The following LRRC4C variants were observed in gnomAD, a reference collection of about 807,000 sequenced individuals.
LRRC4C encodes the protein leucine rich repeat containing 4C.
A neutral mutation model predicts 33.6 loss-of-function variants in LRRC4C; 5 were observed. The observed-to-expected ratio is 0.15, with a 90% CI of 0.08 to 0.31. The LOEUF is 0.31. Among genes scored for constraint, LRRC4C ranks in the 10% least tolerant of loss-of-function variants. The pLI is 1.00. For missense variants in LRRC4C, 560 were observed against 796.7 expected (o/e 0.70, Z 3.58); for synonymous variants, 329 against 302.0 (o/e 1.09, Z -0.93).
At chr11:41,253,691 G>A (rs541555414) in intron 1 of LRRC4C, among the ~76,000 whole-genome samples, 10 of 152,164 alleles carry the variant, frequency 6.6e-5, no homozygotes, top group Admixed American at 2.0e-4. Flanking sequence ...CTTCAAAATT[G>A]CTAAGACCTC....
rs928198975 is a variant in LRRC4C, at chr11:41,058,634, T to C, written c.-495-124911A>G. 5.9e-5 allele frequency among the ~76,000 whole-genome samples: 9 copies of C among 152,338 alleles called. No individual in the cohort carries two copies. The East Asian group carries it at 7.7e-4, about 13-fold the overall frequency. ...GGAATGTGTACTATTTCAGCTGCTG[T>C]GGAATGTAGTTTGGTGATTCCTCAA... On this transcript the variant is annotated intron_variant, in intron 1 of 6. Transcript: ENST00000528697.
intron 3 of LRRC4C, chr11:40,445,902 C>T (rs971430405): frequency 1.3e-5 from 2 of 152,212 alleles, no homozygotes; most frequent in Non-Finnish European, 2.9e-5. Context: ...TTTTCCCACA[C>T]TCATTACATT....
At chr11:40,551,600 C>G (rs1054940743) in intron 3 of LRRC4C, among the ~76,000 whole-genome samples, 1 of 152,150 alleles carries the variant, frequency 6.6e-6, no homozygotes, top group African/African-American at 2.4e-5. Flanking sequence ...CCCTGTACTC[C>G]ATATTTCTAA....
intron 3 of LRRC4C, among the ~76,000 whole-genome samples, chr11:40,590,270 C>T (rs532238011): frequency 1.5e-4 from 22 of 151,650 alleles, no homozygotes; most frequent in East Asian, 9.7e-4. Context: ...TTGATCGCAT[C>T]GTCTCCTGAG....
At chr11:41,183,038 G>A (rs1590864408) in intron 1 of LRRC4C, among the ~76,000 whole-genome samples, 1 of 152,006 alleles carries the variant, frequency 6.6e-6, no homozygotes, top group African/African-American at 2.4e-5. Context: ...TCACTATCAT[G>A]AGAACAGCAC....
intron 1 of LRRC4C, among the ~76,000 whole-genome samples, chr11:40,989,996 G>A (rs1853397403): frequency 6.6e-6 from 1 of 151,586 alleles, no homozygotes; most frequent in South Asian, 2.1e-4. Flanking sequence ...GAGGATGTGT[G>A]TAGGCTGTAC....
chr11:40,296,805 A>T (rs1181387527), intron 4 of LRRC4C, among the ~76,000 whole-genome samples: 2 of 152,194 alleles, frequency 1.3e-5, no homozygotes, highest in Non-Finnish European at 1.5e-5. Context: ...TCAAGTAAAA[A>T]TTTCTATAAA....
chr11:40,729,728 A>G (rs759859963), intron 2 of LRRC4C, among the ~76,000 whole-genome samples: 16 of 152,296 alleles, frequency 1.1e-4, no homozygotes, highest in Admixed American at 6.5e-5. Context: ...CCTTCTAACC[A>G]CATAATCATT....
chr11:40,351,533 G>C (rs1947385533), intron 3 of LRRC4C: 1 of 151,844 alleles, frequency 6.6e-6, no homozygotes, highest in Admixed American at 6.6e-5. Context: ...ACCGAGGTCT[G>C]TCTCTCTCTT....
intron 5 of LRRC4C, among the ~76,000 whole-genome samples, chr11:40,192,188 A>G (rs1861898695): frequency 6.6e-6 from 1 of 152,096 alleles, no homozygotes; most frequent in South Asian, 2.1e-4. Flanking sequence ...AAGATGGTGG[A>G]GTAGGAACAG....
chr11:40,510,182 CATATCT>C (rs1364398581), intron 3 of LRRC4C, among the ~76,000 whole-genome samples: 3 of 148,840 alleles, frequency 2.0e-5, no homozygotes, highest in Non-Finnish European at 4.5e-5. Flanking sequence ...ATTTATATAT[CATATCT>C]ATGTGTATAT....
intron 1 of LRRC4C, among the ~76,000 whole-genome samples, chr11:41,108,876 G>T (rs2135683989): frequency 6.6e-6 from 1 of 152,152 alleles, no homozygotes; most frequent in South Asian, 2.1e-4. Flanking sequence ...GTATTTGTTT[G>T]ATGTCTAATA....
intron 1 of LRRC4C, among the ~76,000 whole-genome samples, chr11:41,011,130 T>C (rs919170457): frequency 2.0e-5 from 3 of 152,112 alleles, no homozygotes; most frequent in Non-Finnish European, 4.4e-5. Context: ...CCAGAGGAAA[T>C]ATCTGAAGTT....
chr11:40,967,831 A>T (rs2136952313), intron 1 of LRRC4C, among the ~76,000 whole-genome samples: 1 of 151,580 alleles, frequency 6.6e-6, no homozygotes, highest in Non-Finnish European at 1.5e-5. Context: ...ATATTTTAAT[A>T]ATATATGATA....
intron 2 of LRRC4C, among the ~76,000 whole-genome samples, chr11:40,822,388 C>T (rs1951970915): frequency 1.3e-5 from 2 of 151,126 alleles, no homozygotes; most frequent in South Asian, 4.2e-4. Context: ...GTATAAACAA[C>T]CTTTTTTAAA....
At chr11:40,386,948 C>A (rs1333781621) in intron 3 of LRRC4C, among the ~76,000 whole-genome samples, 1 of 152,038 alleles carries the variant, frequency 6.6e-6, no homozygotes, top group Non-Finnish European at 1.5e-5. Context: ...ATTATTATAT[C>A]ATATATATCA....
intron 3 of LRRC4C, among the ~76,000 whole-genome samples, chr11:40,365,940 A>T (rs114041386): frequency 0.022 from 3,323 of 152,162 alleles, 141 homozygotes; most frequent in African/African-American, 0.075. Flanking sequence ...CACACTACAA[A>T]ATTCAGTTCA....
chr11:41,294,447 C>T (rs995425939), intron 1 of LRRC4C, among the ~76,000 whole-genome samples: 1 of 152,130 alleles, frequency 6.6e-6, no homozygotes, highest in African/African-American at 2.4e-5. Context: ...CCTTCCTCAA[C>T]CTTAGGAAAG....
chr11:41,438,450 G>C (rs1303538379), intron 1 of LRRC4C, among the ~76,000 whole-genome samples: 2 of 152,142 alleles, frequency 1.3e-5, no homozygotes, highest in African/African-American at 2.4e-5. Flanking sequence ...TGGTGACCTT[G>C]TAGAAAGTCC....
Sources: allele counts gnomAD v4.1 joint callset (sites outside exome capture counted in the v4.1 genomes callset), GRCh38; gene constraint gnomAD v4.1.1; transcripts MANE v1.5; gene names NCBI Gene and HGNC (gene_info 2026-07-23, HGNC 2026-07-21).